The following GRTP1 variants were observed in gnomAD, a reference collection of about 807,000 sequenced individuals.
The protein encoded by GRTP1 is growth hormone-regulated TBC protein 1.
In GRTP1, 56 loss-of-function variants were observed where a neutral mutation model predicts 38.1. The observed-to-expected ratio is 1.47, with a 90% CI of 1.19 to 1.84. GRTP1 has a LOEUF of 1.84. GRTP1 is among the 40% of genes most tolerant of loss of function. The probability of loss-of-function intolerance (pLI) is 0.00; values close to 1 mark genes in which losing one functional copy is unlikely to be tolerated. For missense variants in GRTP1, 506 were observed against 453.9 expected (o/e 1.11, Z -1.04); for synonymous variants, 217 against 189.5 (o/e 1.14, Z -1.19).
chr13:113,355,383 A>C lies in GRTP1; in HGVS notation c.280T>G (p.Tyr94Asp). ...AQAQMDQNPG[Y>D]YHQLLQGERN... ...TCTCCCTGGAGAAGCTGGTGGTAGT[A>C]GCCGGGATTCTGGTCCATCTGCGCC... The change falls in exon 3 of 8, where the codon TAC (tyrosine) becomes GAC (aspartate). Residue 94 changes from tyrosine (Y) to aspartate (D), a missense_variant. Physicochemically the swap from Tyr to Asp is radical, Grantham distance 160. Coordinates refer to ENST00000375431, the MANE Select transcript of GRTP1 (RefSeq NM_024719.4). The C allele has an allele frequency of 6.2e-7, 1 of 1,614,120 alleles. No homozygotes were observed. Among genetic ancestry groups the C allele is most frequent in the Non-Finnish European group, 8.5e-7 (1 of 1,180,010 alleles).
chr13:113,358,236 A>G (rs1223386368), intron 2 of GRTP1, among the ~76,000 whole-genome samples: 1 of 152,228 alleles, frequency 6.6e-6, no homozygotes, highest in Non-Finnish European at 1.5e-5. Flanking sequence ...TACAATAGTA[A>G]CAAGAAATAA....
intron 2 of GRTP1, chr13:113,361,439 G>A (rs1168330513): frequency 6.6e-6 from 1 of 152,198 alleles, no homozygotes; most frequent in Non-Finnish European, 1.5e-5. Context: ...AGCAGCTCCT[G>A]GTCGAAGAAA....
chr13:113,353,926 G>A (rs1226133712), intron 3 of GRTP1, among the ~76,000 whole-genome samples: 1 of 152,054 alleles, frequency 6.6e-6, no homozygotes, highest in East Asian at 1.9e-4. Context: ...CAGGTGTGGT[G>A]GTGCACACCT....
chr13:113,363,774 T>C lies in GRTP1; in HGVS notation c.169A>G (p.Arg57Gly). The change falls in exon 2 of 8, where the codon AGG becomes GGG. Residue 57 changes from arginine (R) to glycine (G), a missense_variant. Arg to Gly is a moderately radical substitution (Grantham distance 125). Transcript: ENST00000375431. The part of the protein sequence containing the change: ...SRLLQGGGVP[R>G]SRTVKRYVRK... ...CCCCGGGACCCACCTGTCCGGCTCCTGGGGACGCCCCCGCCCTGCAGCAGC... is the reference window on the plus strand; with the variant it reads ...CCCCGGGACCCACCTGTCCGGCTCCCGGGGACGCCCCCGCCCTGCAGCAGC... The C allele has an allele frequency of 1.3e-6, 2 of 1,581,292 alleles. No homozygotes were observed. Among genetic ancestry groups the C allele is most frequent in the African/African-American group, 1.5e-5 (1 of 67,376 alleles).
At chr13:113,358,960 G>C (rs888182546) in intron 2 of GRTP1, among the ~76,000 whole-genome samples, 3 of 152,186 alleles carry the variant, frequency 2.0e-5, no homozygotes, top group Non-Finnish European at 4.4e-5. Context: ...AAAACCTGTA[G>C]GTGGATGTTT....
chr13:113,328,620 A>T (rs1389940896), intron 5 of GRTP1, among the ~76,000 whole-genome samples: 3 of 152,210 alleles, frequency 2.0e-5, no homozygotes, highest in Non-Finnish European at 4.4e-5. Context: ...CCTGGGCTCA[A>T]GTGATCCCCC....
At chr13:113,350,347 C>T (rs1160319714) in intron 4 of GRTP1, among the ~76,000 whole-genome samples, 1 of 152,132 alleles carries the variant, frequency 6.6e-6, no homozygotes, top group Non-Finnish European at 1.5e-5. Context: ...CAGGGGATGA[C>T]AGTGTAGACA....
chr13:113,330,301 G>A (rs80234794), intron 5 of GRTP1, among the ~76,000 whole-genome samples: 2 of 114,576 alleles, frequency 1.7e-5, no homozygotes, highest in East Asian at 2.9e-4. Context: ...ACTCAGGTGC[G>A]TGCATGGAGC....
intron 3 of GRTP1, among the ~76,000 whole-genome samples, chr13:113,354,735 C>A (rs911386700): frequency 9.2e-5 from 14 of 152,188 alleles, no homozygotes; most frequent in Admixed American, 2.6e-4. Context: ...CCATGTTGGG[C>A]AGGCTGGTCT....
intron 4 of GRTP1, among the ~76,000 whole-genome samples, chr13:113,350,516 C>CACACCCCACAGCACAA: frequency 6.7e-6 from 1 of 149,182 alleles, no homozygotes. Context: ...TTCCAGCATA[C>CACACCCCACAGCACAA]ACACCCCACA....
chr13:113,354,608 A>AACCTCC (rs1006583215), intron 3 of GRTP1, among the ~76,000 whole-genome samples: 4 of 150,756 alleles, frequency 2.7e-5, no homozygotes, highest in Non-Finnish European at 5.9e-5. Context: ...AACTCACCGC[A>AACCTCC]ACCTCCACCT....
chr13:113,340,373 G>C (rs1370646295), intron 5 of GRTP1, among the ~76,000 whole-genome samples: 1 of 146,730 alleles, frequency 6.8e-6, no homozygotes, highest in Non-Finnish European at 1.5e-5. Flanking sequence ...CAGCTACTCA[G>C]AAGACTGAGG....
chr13:113,344,644 C>G (rs747835753), intron 5 of GRTP1, among the ~76,000 whole-genome samples: 9 of 128,182 alleles, frequency 7.0e-5, no homozygotes, highest in Non-Finnish European at 9.2e-5. Flanking sequence ...ACCCGGGAGG[C>G]AGAGGTTCCA....
At chr13:113,346,154 C>A (rs1294143378) in intron 4 of GRTP1, among the ~76,000 whole-genome samples, 1 of 144,372 alleles carries the variant, frequency 6.9e-6, no homozygotes, top group African/African-American at 2.6e-5. Flanking sequence ...CCGGGAGGAC[C>A]TCTGTGCCTG....
In GRTP1 at chr13:113,363,930, A is replaced by G; in HGVS notation, c.33-20T>C. The G allele has an allele frequency of 1.2e-6, 2 of 1,606,066 alleles. No homozygotes were observed. The highest frequency in any genetic ancestry group is 1.7e-6 in the Non-Finnish European group (2 of 1,176,540). On this transcript the variant is annotated intron_variant, in intron 1 of 7. Transcript: ENST00000375431. ...TCGATCCTGCAAAACCGAGAGAAGG[A>G]GGCCGGCGTCCCCGAAGTTTCCTCT... is the stretch of plus-strand genomic sequence containing the variant.
intron 2 of GRTP1, 127 bp downstream of exon 2, chr13:113,363,635 G>A: frequency 1.0e-6 from 1 of 996,744 alleles, no homozygotes; most frequent in Non-Finnish European, 1.4e-6. Flanking sequence ...GGAGCCCGCA[G>A]CTTCGTCCCG....
intron 3 of GRTP1, among the ~76,000 whole-genome samples, chr13:113,354,487 G>A (rs1351391636): frequency 6.6e-6 from 1 of 152,092 alleles, no homozygotes; most frequent in Non-Finnish European, 1.5e-5. Context: ...AATCAGAAGG[G>A]CAGATGTACT....
chr13:113,359,407 C>T (rs1000986336), intron 2 of GRTP1, among the ~76,000 whole-genome samples: 2 of 152,126 alleles, frequency 1.3e-5, no homozygotes, highest in Non-Finnish European at 2.9e-5. Context: ...TCCCAGGAGA[C>T]TCCATCTCTA....
At chr13:113,334,058 C>A (rs1438092356) in intron 5 of GRTP1, among the ~76,000 whole-genome samples, 1 of 152,084 alleles carries the variant, frequency 6.6e-6, no homozygotes, top group East Asian at 1.9e-4. Flanking sequence ...TGGTCCCGAA[C>A]TCCTGACCCC....
Sources: gnomAD v4.1 joint callset for allele counts (sites outside exome capture counted in the v4.1 genomes callset) on GRCh38, gnomAD v4.1.1 for gene constraint, MANE v1.5 for transcripts, NCBI Gene and HGNC (gene_info 2026-07-23, HGNC 2026-07-21) for gene names.